Variants in CLVS1 observed in about 807,000 individuals in gnomAD.
The protein encoded by CLVS1 is clavesin 1.
A neutral mutation model predicts 33.1 loss-of-function variants in CLVS1; 10 were observed. The observed-to-expected ratio is 0.30, with a 90% CI of 0.19 to 0.51. CLVS1 has a LOEUF of 0.51. Among genes scored for constraint, CLVS1 ranks in the 20% least tolerant of loss-of-function variants. CLVS1 has a pLI of 0.97. For missense variants in CLVS1, 343 were observed against 433.4 expected (o/e 0.79, Z 1.85); for synonymous variants, 163 against 166.1 (o/e 0.98, Z 0.14).
intron 3 of CLVS1, among the ~76,000 whole-genome samples, chr8:61,446,816 T>C (rs1207129483): frequency 6.6e-6 from 1 of 150,530 alleles, no homozygotes; most frequent in African/African-American, 2.5e-5. Flanking sequence ...TATTTTAAAA[T>C]TTCTTTTGAA....
At chr8:61,089,382 G>T (rs1340542772) in intron 1 of CLVS1, among the ~76,000 whole-genome samples, 2 of 152,140 alleles carry the variant, frequency 1.3e-5, no homozygotes, top group East Asian at 3.9e-4. Flanking sequence ...GGTGCTGTAG[G>T]TTCTGGGACA....
At chr8:61,402,921 T>C (rs1288194878) in intron 3 of CLVS1, among the ~76,000 whole-genome samples, 1 of 152,078 alleles carries the variant, frequency 6.6e-6, no homozygotes, top group Non-Finnish European at 1.5e-5. Context: ...AAAAAAACAA[T>C]GTAGTTTGAG....
rs1294668978 is a variant in CLVS1, at chr8:61,376,744, C to A, written c.595C>A (p.Pro199Thr). Residue 199 changes from proline to threonine, a missense_variant, in exon 3 of 6, where the codon CCT becomes ACT. Transcript: ENST00000325897. ...FSFKQASKLT[P>T]SILKLAIEGL... Reference sequence around the variant, plus strand: ...CTTCAAACAAGCCTCCAAACTGACACCTTCAATCCTTAAACTGGCCATTGA... The same window carrying A: ...CTTCAAACAAGCCTCCAAACTGACAACTTCAATCCTTAAACTGGCCATTGA... 23 of 1,614,106 alleles carry A rather than the reference C, an allele frequency of 1.4e-5. No homozygotes were observed. The highest frequency in any genetic ancestry group is 1.9e-5 in the Non-Finnish European group (23 of 1,179,970).
intron 5 of CLVS1, among the ~76,000 whole-genome samples, chr8:61,459,744 TA>T (rs1483014486): frequency 1.3e-5 from 2 of 152,110 alleles, no homozygotes; most frequent in East Asian, 1.9e-4. Context: ...TACACACCCA[TA>T]AAAAACATCT....
chr8:61,178,515 C>A (rs116783646), intron 2 of CLVS1, among the ~76,000 whole-genome samples: 1 of 152,006 alleles, frequency 6.6e-6, no homozygotes, highest in Non-Finnish European at 1.5e-5. Context: ...AGATATTCCA[C>A]GAGAAGATCC....
chr8:61,255,227 G>T (rs1809052087), intron 2 of CLVS1, among the ~76,000 whole-genome samples: 1 of 152,140 alleles, frequency 6.6e-6, no homozygotes, highest in Admixed American at 6.6e-5. Context: ...GAAGAATATT[G>T]ATTTCCAGAG....
At chr8:61,103,891 G>A (rs1396478589) in intron 1 of CLVS1, among the ~76,000 whole-genome samples, 3 of 152,132 alleles carry the variant, frequency 2.0e-5, no homozygotes, top group Non-Finnish European at 2.9e-5. Flanking sequence ...GGGGATTTAT[G>A]AGTAAAGAAT....
At chr8:61,128,694 AC>A (rs1424134339) in intron 1 of CLVS1, among the ~76,000 whole-genome samples, 2 of 152,096 alleles carry the variant, frequency 1.3e-5, no homozygotes, top group Non-Finnish European at 2.9e-5. Context: ...ACGTGAAGGT[AC>A]CTCTCCATGT....
intron 2 of CLVS1, among the ~76,000 whole-genome samples, chr8:61,244,298 A>G (rs1808763753): frequency 6.6e-6 from 1 of 152,182 alleles, no homozygotes; most frequent in Admixed American, 6.5e-5. Flanking sequence ...GGGATTAATA[A>G]AAAGGTTTTG....
the CLVS1 span, among the ~76,000 whole-genome samples, chr8:61,037,699 C>T: frequency 1.3e-5 from 2 of 152,164 alleles, no homozygotes; most frequent in Non-Finnish European, 2.9e-5. Context: ...TATAGAGACA[C>T]CCTTTACTAC....
chr8:61,454,575 A>C (rs569147784), intron 4 of CLVS1, among the ~76,000 whole-genome samples: 45 of 152,296 alleles, frequency 3.0e-4, no homozygotes, highest in African/African-American at 1.1e-3. Flanking sequence ...CCTGTTCATA[A>C]AATGTTTTAG....
At chr8:61,459,346 A>G (rs1332914318) in intron 5 of CLVS1, among the ~76,000 whole-genome samples, 2 of 152,196 alleles carry the variant, frequency 1.3e-5, no homozygotes, top group African/African-American at 4.8e-5. Flanking sequence ...CCTGATTTTT[A>G]AAATTTTATT....
chr8:61,350,796 A>G (rs984657646), intron 2 of CLVS1, among the ~76,000 whole-genome samples: 1 of 152,132 alleles, frequency 6.6e-6, no homozygotes, highest in Admixed American at 6.6e-5. Flanking sequence ...GGCAGCAGCA[A>G]CAGAGAGCTC....
chr8:60,993,168 C>T, the CLVS1 span, among the ~76,000 whole-genome samples: 4 of 152,230 alleles, frequency 2.6e-5, no homozygotes, highest in East Asian at 1.9e-4. Context: ...CAGATGATGA[C>T]GGTCACCACT....
chr8:61,052,595 G>A (rs1236991800), upstream of CLVS1, among the ~76,000 whole-genome samples: 1 of 152,076 alleles, frequency 6.6e-6, no homozygotes, highest in Non-Finnish European at 1.5e-5. Flanking sequence ...ACATGCAAAT[G>A]CCCTGAGGTA....
intron 2 of CLVS1, among the ~76,000 whole-genome samples, chr8:61,174,606 A>G (rs1286564402): frequency 6.6e-6 from 1 of 152,200 alleles, no homozygotes; most frequent in African/African-American, 2.4e-5. Flanking sequence ...TTTTGTTGGA[A>G]TTCAGAATGA....
intron 3 of CLVS1, among the ~76,000 whole-genome samples, chr8:61,379,577 A>G (rs1186819806): frequency 6.6e-6 from 1 of 152,192 alleles, no homozygotes; most frequent in Non-Finnish European, 1.5e-5. Context: ...CTAGTTCTCC[A>G]TAAAGACAGT....
In CLVS1 at chr8:61,246,457, A is replaced by G. The variant is rs144931071; in HGVS notation, c.-151-53220A>G. 5.3e-5 allele frequency among the ~76,000 whole-genome samples: 8 copies of G among 152,222 alleles called. No homozygotes were observed. In the East Asian group the frequency reaches 9.7e-4, roughly 18 times the overall value. ...AGTGCTGGGATTACAGGTGTGAGCC[A>G]CTGCACCAGGCCTTCCTTCCCAACT... On this transcript the variant is annotated intron_variant, in intron 2 of 2. Transcript: ENST00000522621.
At chr8:61,341,125 C>T (rs191674887) in intron 2 of CLVS1, among the ~76,000 whole-genome samples, 9 of 152,274 alleles carry the variant, frequency 5.9e-5, no homozygotes, top group African/African-American at 1.9e-4. Flanking sequence ...AATTATGCCT[C>T]GTAGGGAAAC....
Sources: allele counts gnomAD v4.1 joint callset (sites outside exome capture counted in the v4.1 genomes callset), GRCh38; gene constraint gnomAD v4.1.1; transcripts MANE v1.5; gene names NCBI Gene and HGNC (gene_info 2026-07-23, HGNC 2026-07-21).